The following DNAJB14 variants were observed in gnomAD, a reference collection of about 807,000 sequenced individuals.
DNAJB14 encodes the protein DnaJ heat shock protein family (Hsp40) member B14.
DNAJB14 carries 22 observed loss-of-function variants against 48.4 expected under a neutral mutation model. The observed-to-expected ratio is 0.45, with a 90% CI of 0.32 to 0.65. The LOEUF (loss-of-function observed/expected upper bound fraction) is 0.65, where lower values mean the gene tolerates loss of function less well. Among genes scored for constraint, DNAJB14 ranks in the 30% least tolerant of loss-of-function variants. The pLI, the probability that DNAJB14 is intolerant of heterozygous loss-of-function variation, is 0.03. For missense variants in DNAJB14, 319 were observed against 458.8 expected, an observed-to-expected ratio of 0.70 and a Z score of 2.78; for synonymous variants, 142 against 158.7, an observed-to-expected ratio of 0.89 and a Z score of 0.79.
In DNAJB14 at chr4:99,900,834, C is replaced by A. The variant is rs1351107059; in HGVS notation, c.*194G>T. ...ATGAAAATACTTGTAGAAGCGTTAACTAAAATATTCCATTTTAGTTTTCAG... is the reference window on the plus strand; with the variant it reads ...ATGAAAATACTTGTAGAAGCGTTAAATAAAATATTCCATTTTAGTTTTCAG... On this transcript the variant is annotated 3_prime_UTR_variant, in exon 8 of 8. Transcript: ENST00000442697. The A allele has an allele frequency of 2.3e-6, 1 of 434,154 alleles. No homozygotes were observed. Among genetic ancestry groups the A allele is most frequent in the East Asian group, 3.7e-5 (1 of 27,028 alleles). 26.9% of individuals were successfully genotyped at this position (434,154 alleles called of 1,614,324 possible). A position where few individuals can be genotyped will look rare whatever the true frequency, so the allele number is the denominator to read the frequency against.
rs556831581 is a variant in DNAJB14, at chr4:99,896,831, G to T, written c.*4197C>A. On this transcript the variant is annotated 3_prime_UTR_variant, in exon 8 of 8. Transcript: ENST00000442697. ...TACAGAGTGTTGTGCTGAAGTGAATGAGACTTGCCATGCCAGGTGTCATCT... is the reference window on the plus strand; with the variant it reads ...TACAGAGTGTTGTGCTGAAGTGAATTAGACTTGCCATGCCAGGTGTCATCT... 1.1e-4 allele frequency: 16 copies of T among 152,222 alleles called. No homozygotes were observed. The highest frequency in any genetic ancestry group is 3.9e-4 in the African/African-American group (16 of 41,546). 9.4% of individuals were successfully genotyped at this position (152,222 alleles called of 1,614,324 possible).
At chr4:99,921,122 C>T (rs1283610120) in intron 3 of DNAJB14, among the ~76,000 whole-genome samples, 1 of 152,182 alleles carries the variant, frequency 6.6e-6, no homozygotes. Context: ...TGGATTACAA[C>T]TTGAGTTTTC....
At position 99,908,742 on chromosome 4, in the gene DNAJB14, A is replaced by G; in HGVS notation, c.606T>C (p.Phe202=). The G allele has an allele frequency of 6.3e-7, 1 of 1,598,738 alleles. No homozygotes were observed. The highest frequency in any genetic ancestry group is 8.5e-7 in the Non-Finnish European group (1 of 1,174,966). Residue 202 remains phenylalanine, a synonymous_variant, in exon 4 of 8, where the codon TTT becomes TTC. Coordinates refer to ENST00000442697, the MANE Select transcript of DNAJB14 (RefSeq NM_001031723.4). ...CEADITPEDL[F]NIFFGGGFPS... ...GAAATCCACCCCCAAAAAATATATTAAACAAGTCTTCTGGAGTTATATCAG... is the reference window on the plus strand; with the variant it reads ...GAAATCCACCCCCAAAAAATATATTGAACAAGTCTTCTGGAGTTATATCAG...
Position 99,905,723 on chromosome 4 carries a change from A to G in DNAJB14, c.733-17T>C. 6.2e-7 allele frequency: 1 copy of G among 1,601,320 alleles called. No homozygotes were observed. Among genetic ancestry groups the G allele is most frequent in the Non-Finnish European group, 8.5e-7 (1 of 1,169,614 alleles). The stretch of plus-strand genomic sequence containing the variant: ...AAAACCTCCCTATAAAAAATGATCA[A>G]AGAATAACAAATTGTAATATAACTG... On this transcript the variant is annotated splice_polypyrimidine_tract_variant and intron_variant, in intron 5 of 7. Transcript: ENST00000442697.
At chr4:99,923,584 T>TGAAC in intron 2 of DNAJB14, 4 of 765,652 alleles carry the variant, frequency 5.2e-6, no homozygotes, top group Non-Finnish European at 6.4e-6. Flanking sequence ...CAGCTAAGAA[T>TGAAC]GAACATGCAT....
intron 2 of DNAJB14, chr4:99,924,761 G>T: frequency 6.2e-7 from 1 of 1,611,440 alleles, no homozygotes; most frequent in East Asian, 2.2e-5. Context: ...AATACCTACT[G>T]TGTGTTAGGT....
intron 2 of DNAJB14, chr4:99,926,960 C>T (rs1726280083): frequency 1.3e-5 from 2 of 152,140 alleles, no homozygotes; most frequent in African/African-American, 4.8e-5. Flanking sequence ...AGTTTTCACA[C>T]CTGAATGAGA....
chr4:99,903,691 T>A, intron 7 of DNAJB14, 35 bp downstream of exon 7: 1 of 1,582,728 alleles, frequency 6.3e-7, no homozygotes, highest in Non-Finnish European at 8.6e-7. Flanking sequence ...AGACTGCGAA[T>A]AAGTTTTAAA....
intron 4 of DNAJB14, 105 bp downstream of exon 4, chr4:99,908,606 A>T (rs1725547758): frequency 2.3e-6 from 2 of 887,258 alleles, no homozygotes; most frequent in Non-Finnish European, 3.2e-6. Flanking sequence ...TCGTAACACT[A>T]CAAGAAATGT....
chr4:99,927,925 A>G (rs1726314543), intron 2 of DNAJB14: 1 of 152,200 alleles, frequency 6.6e-6, no homozygotes, highest in Non-Finnish European at 1.5e-5. Flanking sequence ...AACACTTATG[A>G]AGGCTAATAT....
chr4:99,920,891 T>C (rs1285277913), intron 3 of DNAJB14, among the ~76,000 whole-genome samples: 10 of 152,202 alleles, frequency 6.6e-5, no homozygotes, highest in Non-Finnish European at 1.5e-4. Context: ...GAGCAATCAA[T>C]CCATACTTTA....
At chr4:99,912,935 TTGTA>T (rs1410741662) in intron 3 of DNAJB14, among the ~76,000 whole-genome samples, 4 of 152,266 alleles carry the variant, frequency 2.6e-5, no homozygotes, top group Admixed American at 1.3e-4. Flanking sequence ...AAGTATTTTT[TTGTA>T]TGTATGATTG....
chr4:99,939,581 T>C (rs1193241376), intron 1 of DNAJB14, among the ~76,000 whole-genome samples: 1 of 152,240 alleles, frequency 6.6e-6, no homozygotes, highest in Admixed American at 6.5e-5. Flanking sequence ...TGGCAGTTAC[T>C]ATGATAATGA....
intron 1 of DNAJB14, among the ~76,000 whole-genome samples, chr4:99,931,964 G>C (rs1019638932): frequency 6.6e-6 from 1 of 152,004 alleles, no homozygotes; most frequent in African/African-American, 2.4e-5. Flanking sequence ...TCAACAACTA[G>C]CCATCCACAT....
chr4:99,931,695 C>T (rs1726472486), intron 1 of DNAJB14, among the ~76,000 whole-genome samples: 1 of 151,518 alleles, frequency 6.6e-6, no homozygotes, highest in African/African-American at 2.4e-5. Context: ...ATCGCTAGAC[C>T]ATAGAGTGGT....
In DNAJB14 at chr4:99,906,620, T is replaced by A. The variant is rs1390241290; in HGVS notation, c.638-9A>T. The A allele has an allele frequency of 1.9e-6, 3 of 1,605,438 alleles. No individual in the cohort carries two copies. The highest frequency in any genetic ancestry group is 1.7e-5 in the Admixed American group (1 of 59,618). ...AAAAGAATGTACACTACCTAAAAAA[T>A]TAAAAGCAAGGTTAAATTAGGGAGA... On this transcript the variant is annotated splice_polypyrimidine_tract_variant and intron_variant, in intron 4 of 7. Coordinates refer to ENST00000442697, the MANE Select transcript of DNAJB14 (RefSeq NM_001031723.4).
At chr4:99,941,734 T>C (rs188461815) in intron 1 of DNAJB14, among the ~76,000 whole-genome samples, 36 of 152,242 alleles carry the variant, frequency 2.4e-4, no homozygotes, top group African/African-American at 7.0e-4. Flanking sequence ...CTCCATTTTA[T>C]AGATGAGGAA....
At position 99,930,347 on chromosome 4, in the gene DNAJB14, G is replaced by A. The variant is rs1046606802; in HGVS notation, c.305+103C>T. The A allele has an allele frequency of 3.7e-5, 45 of 1,201,128 alleles. No individual in the cohort carries two copies. The African/African-American group carries it at 6.8e-4, about 18-fold the overall frequency. The allele number at this position is 1,201,128 out of a possible 1,614,324, so 74.4% of individuals were successfully genotyped here. ...CACACCCAGAGTTCAATTCCTTGAT[G>A]TCTATTCTTCTAATGTTATATTTCA... On this transcript the variant is annotated intron_variant, in intron 2 of 7. Transcript: ENST00000442697.
intron 1 of DNAJB14, among the ~76,000 whole-genome samples, chr4:99,941,041 TTTAG>T (rs1423827611): frequency 6.6e-6 from 1 of 152,032 alleles, no homozygotes; most frequent in Non-Finnish European, 1.5e-5. Flanking sequence ...AATATTTTCA[TTTAG>T]TTATTTATTT....
Sources: gnomAD v4.1 joint callset for allele counts (sites outside exome capture counted in the v4.1 genomes callset) on GRCh38, gnomAD v4.1.1 for gene constraint, MANE v1.5 for transcripts, NCBI Gene and HGNC (gene_info 2026-07-23, HGNC 2026-07-21) for gene names.